UHRF2: variants seen among roughly 807,000 people sequenced by gnomAD.
UHRF2 encodes the protein E3 ubiquitin-protein ligase UHRF2.
In UHRF2, 23 loss-of-function variants were observed where a neutral mutation model predicts 96.8. The ratio of observed to expected loss-of-function variants is 0.24; its 90% CI spans 0.17 to 0.34. The LOEUF is 0.34. UHRF2 is among the 10% of genes least tolerant of loss of function. The pLI is 1.00. For missense variants in UHRF2, 685 were observed against 981.5 expected (o/e 0.70, Z 4.04); for synonymous variants, 385 against 332.6 (o/e 1.16, Z -1.72).
At chr9:6,428,482 C>T (rs905337248) in intron 2 of UHRF2, among the ~76,000 whole-genome samples, 1 of 147,620 alleles carries the variant, frequency 6.8e-6, no homozygotes. Context: ...AACCCTAATC[C>T]CTAATTTTCT....
intron 3 of UHRF2, among the ~76,000 whole-genome samples, chr9:6,448,084 TAAAGCCTAC>T (rs1450723523): frequency 1.3e-5 from 2 of 152,156 alleles, no homozygotes; most frequent in African/African-American, 4.8e-5. Context: ...GGACCAGGCG[TAAAGCCTAC>T]AAAGCCTACA....
chr9:6,426,280 A>G (rs966505536), intron 2 of UHRF2, among the ~76,000 whole-genome samples: 2 of 152,174 alleles, frequency 1.3e-5, no homozygotes. Flanking sequence ...ATTTCCTATT[A>G]CTATGTGGTA....
chr9:6,419,495 C>G (rs12347795), intron 1 of UHRF2, among the ~76,000 whole-genome samples: 3 of 151,854 alleles, frequency 2.0e-5, no homozygotes, highest in African/African-American at 7.3e-5. Flanking sequence ...AAATAAAAAC[C>G]TACTGATAAT....
chr9:6,422,410 C>T (rs1406981329), intron 2 of UHRF2, among the ~76,000 whole-genome samples: 1 of 151,830 alleles, frequency 6.6e-6, no homozygotes, highest in African/African-American at 2.4e-5. Flanking sequence ...CTCCTATCTC[C>T]CCAATTTCTT....
At chr9:6,421,221 A>C in intron 2 of UHRF2, 79 bp downstream of exon 2, 2 of 1,076,280 alleles carry the variant, frequency 1.9e-6, no homozygotes, top group Non-Finnish European at 1.3e-6. Flanking sequence ...TGAATAAGTA[A>C]ACATTGATTG....
chr9:6,504,941 GAAGGT>G (rs1489773833), intron 15 of UHRF2, among the ~76,000 whole-genome samples: 1 of 152,186 alleles, frequency 6.6e-6, no homozygotes, highest in African/African-American at 2.4e-5. Flanking sequence ...AAATGGGAAA[GAAGGT>G]AAGAGGTCAT....
chr9:6,477,773 T>A lies in UHRF2; in HGVS notation c.1125T>A (p.Asn375Lys), dbSNP rs1823674442. ...TGGCTTATCATATTTACTGTCTGAA[T>A]CCACCTTTGGATAAAGTCCCAGAAG... ...CNVAYHIYCL[N>K]PPLDKVPEEE... Residue 375 changes from asparagine (N) to lysine (K), a missense_variant, in exon 6 of 16, where the codon AAT becomes AAA. Physicochemically the swap from Asn to Lys is moderately conservative, Grantham distance 94. Coordinates refer to ENST00000276893, the MANE Select transcript of UHRF2 (RefSeq NM_152896.3). 2 of 1,612,394 alleles carry A rather than the reference T, an allele frequency of 1.2e-6. No homozygotes were observed. The highest frequency in any genetic ancestry group is 8.5e-7 in the Non-Finnish European group (1 of 1,179,004).
intron 2 of UHRF2, among the ~76,000 whole-genome samples, chr9:6,422,321 C>G (rs1005411910): frequency 6.6e-6 from 1 of 152,168 alleles, no homozygotes; most frequent in Non-Finnish European, 1.5e-5. Context: ...ACCTCCTCAT[C>G]TGCCCTCCTC....
intron 2 of UHRF2, among the ~76,000 whole-genome samples, chr9:6,424,375 C>T (rs1392016809): frequency 1.3e-5 from 1 of 77,986 alleles, no homozygotes; most frequent in African/African-American, 2.9e-5. Flanking sequence ...ATAGTGGTCA[C>T]AATTAAGAGA....
chr9:6,423,655 A>C (rs905464248), intron 2 of UHRF2, among the ~76,000 whole-genome samples: 2 of 151,064 alleles, frequency 1.3e-5, no homozygotes, highest in Non-Finnish European at 2.9e-5. Flanking sequence ...TTTTTTAAAG[A>C]AAAGTCTCGG....
chr9:6,437,613 CTTTAT>C (rs1157328431), intron 3 of UHRF2, among the ~76,000 whole-genome samples: 5 of 151,574 alleles, frequency 3.3e-5, no homozygotes, highest in African/African-American at 7.3e-5. Flanking sequence ...ATCTGTTTTG[CTTTAT>C]TTTATTTATT....
At chr9:6,434,637 T>C (rs1395744530) in intron 3 of UHRF2, among the ~76,000 whole-genome samples, 1 of 152,012 alleles carries the variant, frequency 6.6e-6, no homozygotes, top group Non-Finnish European at 1.5e-5. Context: ...TGGGGTTTCA[T>C]CATGTTGGCC....
rs534062272 is a variant in UHRF2, at chr9:6,498,219, A to C, written c.1908+61A>C. On this transcript the variant is annotated intron_variant, in intron 12 of 15. Transcript: ENST00000276893. ...ATAAAAATATACACCTCTTCTATCT[A>C]CATGCCTTAACACTGGATATAACCC... 1.3e-5 allele frequency: 20 copies of C among 1,541,092 alleles called. No individual in the cohort carries two copies. The East Asian group carries it at 4.6e-4, about 35-fold the overall frequency.
chr9:6,425,426 A>C (rs1820198941), intron 2 of UHRF2, among the ~76,000 whole-genome samples: 1 of 152,078 alleles, frequency 6.6e-6, no homozygotes, highest in African/African-American at 2.4e-5. Context: ...CCTAGAATCA[A>C]CCATTTCTCC....
At chr9:6,429,082 T>A (rs2130751824) in intron 2 of UHRF2, among the ~76,000 whole-genome samples, 1 of 152,148 alleles carries the variant, frequency 6.6e-6, no homozygotes, top group South Asian at 2.1e-4. Flanking sequence ...GGAGAATTGC[T>A]TGTACCTGGG....
intron 1 of UHRF2, 29 bp from the exon 2 acceptor site, chr9:6,420,883 C>G: frequency 3.2e-6 from 5 of 1,542,260 alleles, no homozygotes; most frequent in East Asian, 4.5e-5. Context: ...TTTAGAGAAG[C>G]ATTTCACTAT....
At chr9:6,462,424 C>G (rs571922066) in intron 4 of UHRF2, among the ~76,000 whole-genome samples, 2 of 152,122 alleles carry the variant, frequency 1.3e-5, no homozygotes, top group African/African-American at 2.4e-5. Flanking sequence ...TATTGCTAGA[C>G]TAAGGGTATA....
chr9:6,422,612 G>A (rs1158732724), intron 2 of UHRF2: 1 of 627,154 alleles, frequency 1.6e-6, no homozygotes, highest in Non-Finnish European at 3.0e-6. Flanking sequence ...CATTAACTTA[G>A]ATCTTTTCTT....
intron 3 of UHRF2, chr9:6,449,277 A>G (rs976625759): frequency 6.6e-6 from 1 of 152,218 alleles, no homozygotes; most frequent in African/African-American, 2.4e-5. Context: ...CCAGTGACCA[A>G]GTGTGACAGT....
Sources: allele counts gnomAD v4.1 joint callset (sites outside exome capture counted in the v4.1 genomes callset), GRCh38; gene constraint gnomAD v4.1.1; transcripts MANE v1.5; gene names NCBI Gene and HGNC (gene_info 2026-07-23, HGNC 2026-07-21).